The following CDC42BPA variants were observed in gnomAD, a reference collection of about 807,000 sequenced individuals.
The protein encoded by CDC42BPA is CDC42 binding protein kinase alpha.
Under a neutral mutation model 223.5 loss-of-function variants are expected in CDC42BPA, and 80 were observed. The ratio of observed to expected loss-of-function variants is 0.36; its 90% CI spans 0.30 to 0.43. The LOEUF is 0.43. Among genes scored for constraint, CDC42BPA ranks in the 20% least tolerant of loss-of-function variants. The pLI is 1.00. For missense variants in CDC42BPA, 1,743 were observed against 2,099.9 expected (o/e 0.83, Z 3.32); for synonymous variants, 694 against 718.6 (o/e 0.97, Z 0.55).
intron 6 of CDC42BPA, among the ~76,000 whole-genome samples, chr1:227,153,992 C>A (rs1662266530): frequency 6.6e-6 from 1 of 151,776 alleles, no homozygotes; most frequent in East Asian, 1.9e-4. Flanking sequence ...TGAGATATGA[C>A]CAATGTCATG....
At chr1:227,206,908 G>C (rs961358757) in intron 3 of CDC42BPA, among the ~76,000 whole-genome samples, 10 of 151,792 alleles carry the variant, frequency 6.6e-5, no homozygotes, top group African/African-American at 2.2e-4. Flanking sequence ...TATGCATGGG[G>C]ACTACTTATC....
intron 34 of CDC42BPA, among the ~76,000 whole-genome samples, chr1:227,006,949 TCAACAA>T (rs58305329): frequency 0.03 from 4,495 of 147,958 alleles, 153 homozygotes; most frequent in African/African-American, 0.091. Flanking sequence ...AGACTCCGTC[TCAACAA>T]CAACAACAAC....
At chr1:227,284,338 A>G (rs1172098544) in intron 1 of CDC42BPA, among the ~76,000 whole-genome samples, 1 of 152,246 alleles carries the variant, frequency 6.6e-6, no homozygotes, top group Non-Finnish European at 1.5e-5. Flanking sequence ...GTCATAATCT[A>G]GAAATTTAGT....
intron 10 of CDC42BPA, among the ~76,000 whole-genome samples, chr1:227,139,102 G>A (rs1345791088): frequency 6.6e-6 from 1 of 152,080 alleles, no homozygotes; most frequent in Non-Finnish European, 1.5e-5. Context: ...GAAACCAGGT[G>A]GAGTAAACAA....
chr1:226,994,152 T>C lies in CDC42BPA; in HGVS notation c.*116A>G, dbSNP rs1013205564. 6.2e-6 allele frequency: 6 copies of C among 967,444 alleles called. No homozygotes were observed. In the African/African-American group the frequency reaches 6.6e-5, roughly 11 times the overall value. The allele number at this position is 967,444 out of a possible 1,614,324, so 59.9% of individuals were successfully genotyped here. On this transcript the variant is annotated 3_prime_UTR_variant, in exon 37 of 37. Coordinates refer to ENST00000366766, the MANE Select transcript of CDC42BPA (RefSeq NM_001394014.1). The surrounding 1 kb of genome is among the most constrained non-coding windows in gnomAD (Gnocchi z 4.0). ...AACTCCTGAATCCCTGTCCTGCTAC[T>C]GCTGCCAGCCCCTGGTGGCTTTCAG...
intron 1 of CDC42BPA, among the ~76,000 whole-genome samples, chr1:227,298,868 A>C (rs1355851203): frequency 1.3e-5 from 2 of 152,184 alleles, no homozygotes; most frequent in Non-Finnish European, 2.9e-5. Context: ...AAATTAATCA[A>C]AACTAAGCTG....
chr1:227,050,683 G>A (rs1673365945), intron 22 of CDC42BPA, among the ~76,000 whole-genome samples: 1 of 151,982 alleles, frequency 6.6e-6, no homozygotes. Context: ...ATTACAGAAG[G>A]ATACAGGTAA....
intron 3 of CDC42BPA, among the ~76,000 whole-genome samples, chr1:227,201,089 C>T (rs1421700910): frequency 1.3e-5 from 2 of 151,936 alleles, no homozygotes; most frequent in Non-Finnish European, 2.9e-5. Context: ...ACTTCCACTA[C>T]TATAAAAGTA....
At position 227,130,817 on chromosome 1, in the gene CDC42BPA, T is replaced by C. The variant is rs150607385; in HGVS notation, c.1391-1586A>G. On this transcript the variant is annotated intron_variant, in intron 10 of 36. Transcript: ENST00000366766. ...TTGCAGTGAGCTGAGATCATGCCACTACACCCAGCCTGGGTGATAGATCGA... is the reference window on the plus strand; with the variant it reads ...TTGCAGTGAGCTGAGATCATGCCACCACACCCAGCCTGGGTGATAGATCGA... 4.6e-4 allele frequency among the ~76,000 whole-genome samples: 70 copies of C among 152,208 alleles called. 1 individual carries two copies. In the East Asian group the frequency reaches 7.0e-3, roughly 15 times the overall value.
At chr1:227,268,667 C>CATATATATATGTATATATAT (rs1685461205) in intron 1 of CDC42BPA, among the ~76,000 whole-genome samples, 1 of 139,030 alleles carries the variant, frequency 7.2e-6, no homozygotes, top group African/African-American at 2.8e-5. Flanking sequence ...TATATATATA[C>CATATATATATGTATATATAT]ATATATATAT....
At position 226,997,255 on chromosome 1, in the gene CDC42BPA, T is replaced by C. The variant is rs768199525; in HGVS notation, c.4976-2275A>G. Among the ~76,000 whole-genome samples, 107 of 152,354 alleles carry C rather than the reference T, an allele frequency of 7.0e-4. 1 individual carries two copies. The highest frequency in any genetic ancestry group is 3.4e-3 in the Middle Eastern group (1 of 292). On this transcript the variant is annotated intron_variant, in intron 35 of 36. Transcript: ENST00000366766. ...TATTTTATTTCTGTAGAGGTGTTTA[T>C]AGTATTCTTTGATGGTAGTTTCTAT...
intron 5 of CDC42BPA, among the ~76,000 whole-genome samples, chr1:227,176,950 C>A (rs1266814949): frequency 2.0e-5 from 3 of 151,732 alleles, no homozygotes; most frequent in African/African-American, 7.3e-5. Context: ...CCCCTCTAAT[C>A]CACTGGCTCT....
chr1:227,199,193 AT>A (rs1468089241), intron 4 of CDC42BPA, among the ~76,000 whole-genome samples: 1 of 152,240 alleles, frequency 6.6e-6, no homozygotes, highest in East Asian at 1.9e-4. Context: ...TTATTTTAAG[AT>A]GAATTTGAGC....
intron 16 of CDC42BPA, among the ~76,000 whole-genome samples, chr1:227,091,076 C>T (rs769229596): frequency 1.9e-4 from 29 of 152,074 alleles, no homozygotes; most frequent in Non-Finnish European, 3.2e-4. Flanking sequence ...TTTACTAGTT[C>T]TTCTTTGTGA....
chr1:227,259,004 T>C (rs1293692337), intron 1 of CDC42BPA, among the ~76,000 whole-genome samples: 1 of 151,188 alleles, frequency 6.6e-6, no homozygotes, highest in African/African-American at 2.5e-5. Context: ...CTATTCTGAA[T>C]AGATGCTATT....
Position 227,277,939 on chromosome 1 carries a change from C to T in CDC42BPA, c.179-23784G>A, listed in dbSNP as rs187634192. 3.7e-3 allele frequency among the ~76,000 whole-genome samples: 563 copies of T among 152,212 alleles called. 3 individuals carry two copies. The highest frequency in any genetic ancestry group is 0.013 in the African/African-American group (544 of 41,532). ...TAATTTTTTGTATTTTTAGTAGAGACGGGGTTTCACCATATTAGCCAGGAT... is the reference window on the plus strand; with the variant it reads ...TAATTTTTTGTATTTTTAGTAGAGATGGGGTTTCACCATATTAGCCAGGAT... On this transcript the variant is annotated intron_variant, in intron 1 of 36. Coordinates refer to ENST00000366766, the MANE Select transcript of CDC42BPA (RefSeq NM_001394014.1).
intron 6 of CDC42BPA, among the ~76,000 whole-genome samples, chr1:227,160,060 A>C (rs547545589): frequency 7.9e-5 from 12 of 152,252 alleles, no homozygotes; most frequent in Non-Finnish European, 1.5e-4. Flanking sequence ...GCAAAAGTTA[A>C]GCAAATGGGA....
At chr1:227,147,285 T>C in intron 7 of CDC42BPA, 74 bp downstream of exon 7, 2 of 1,061,142 alleles carry the variant, frequency 1.9e-6, no homozygotes, top group Non-Finnish European at 2.7e-6. Flanking sequence ...TAGAAAAATA[T>C]TTTCTCTTTA....
At chr1:227,245,727 C>T (rs573432002) in intron 2 of CDC42BPA, among the ~76,000 whole-genome samples, 1 of 152,176 alleles carries the variant, frequency 6.6e-6, no homozygotes, top group South Asian at 2.1e-4. Flanking sequence ...AGGGAACCGG[C>T]TGCCTTGAAG....
Sources: allele counts gnomAD v4.1 joint callset (sites outside exome capture counted in the v4.1 genomes callset), GRCh38; gene constraint gnomAD v4.1.1; non-coding constraint Gnocchi (gnomAD v3.1); transcripts MANE v1.5; gene names NCBI Gene and HGNC (gene_info 2026-07-23, HGNC 2026-07-21).